Variants in ADAM23 observed in about 807,000 individuals in gnomAD.
The protein encoded by ADAM23 is ADAM metallopeptidase domain 23, also known as disintegrin and metalloproteinase domain-containing protein 23.
A neutral mutation model predicts 120.1 loss-of-function variants in ADAM23; 33 were observed. That is an observed-to-expected ratio of 0.27 (90% CI 0.21 to 0.37). The LOEUF (loss-of-function observed/expected upper bound fraction) is 0.37, where lower values mean the gene tolerates loss of function less well. Ranked by LOEUF, ADAM23 falls within the 10% of genes least tolerant of loss-of-function variation. ADAM23 has a pLI of 1.00. For missense variants in ADAM23, 862 were observed against 1,058.2 expected (o/e 0.81, Z 2.57); for synonymous variants, 367 against 375.2 (o/e 0.98, Z 0.25).
Position 206,571,798 on chromosome 2 carries a change from T to C in ADAM23, c.1638T>C (p.Cys546=). 2 of 1,614,006 alleles carry C rather than the reference T, an allele frequency of 1.2e-6. No homozygotes were observed. The highest frequency in any genetic ancestry group is 1.3e-5 in the African/African-American group (1 of 75,052). The change falls in exon 17 of 26, where the codon TGT becomes TGC. Residue 546 remains cysteine, a synonymous_variant. Transcript: ENST00000264377. ...CTCACTGCAGCGACGGGCCCTGCTGTAACAATACCTCATGTCTTGTGAGTT... is the reference window on the plus strand; with the variant it reads ...CTCACTGCAGCGACGGGCCCTGCTGCAACAATACCTCATGTCTTGTGAGTT... ...NGAHCSDGPC[C]NNTSCLFQPR...
intron 18 of ADAM23, among the ~76,000 whole-genome samples, chr2:206,578,615 CT>C (rs1698164399): frequency 6.6e-6 from 1 of 152,084 alleles, no homozygotes; most frequent in Non-Finnish European, 1.5e-5. Flanking sequence ...TCTTTATCCA[CT>C]CATTGATTGA....
At chr2:206,536,162 C>T (rs1274471512) in intron 4 of ADAM23, among the ~76,000 whole-genome samples, 1 of 152,096 alleles carries the variant, frequency 6.6e-6, no homozygotes, top group Non-Finnish European at 1.5e-5. Context: ...TAGGTCTACC[C>T]ATATTTGGCA....
At chr2:206,559,811 A>G in intron 10 of ADAM23, 144 bp from the exon 11 acceptor site, 1 of 669,508 alleles carries the variant, frequency 1.5e-6, no homozygotes, top group East Asian at 2.8e-5. Flanking sequence ...AAAGAAAGGA[A>G]AAGAAGATTC....
chr2:206,519,426 A>G lies in ADAM23; in HGVS notation c.510-11459A>G, dbSNP rs540025996. Among the ~76,000 whole-genome samples, 24 of 152,306 alleles carry G rather than the reference A, an allele frequency of 1.6e-4. 1 individual carries two copies. In the South Asian group the frequency reaches 4.6e-3, roughly 29 times the overall value. ...TGATTTAGGTAAGCAAAGCACAATCATGACTTTTTTTTAAACAATCGAAGT... is the reference window on the plus strand; with the variant it reads ...TGATTTAGGTAAGCAAAGCACAATCGTGACTTTTTTTTAAACAATCGAAGT... On this transcript the variant is annotated intron_variant, in intron 3 of 25. Transcript: ENST00000264377.
At chr2:206,604,111 C>A (rs906102486) in intron 24 of ADAM23, among the ~76,000 whole-genome samples, 3 of 151,762 alleles carry the variant, frequency 2.0e-5, no homozygotes, top group African/African-American at 7.3e-5. Flanking sequence ...ACTAAAAATA[C>A]AAAAATTAGC....
At chr2:206,513,364 T>C (rs1386626544) in intron 3 of ADAM23, among the ~76,000 whole-genome samples, 3 of 140,484 alleles carry the variant, frequency 2.1e-5, no homozygotes, top group Non-Finnish European at 4.9e-5. Context: ...GTTGCTGATA[T>C]GGAGAAAGTT....
intron 3 of ADAM23, among the ~76,000 whole-genome samples, chr2:206,495,682 T>C (rs1441611576): frequency 2.0e-5 from 3 of 152,084 alleles, no homozygotes; most frequent in Non-Finnish European, 2.9e-5. Context: ...GGCTAAATGC[T>C]CCAATTAAAA....
intron 25 of ADAM23, among the ~76,000 whole-genome samples, chr2:206,611,415 G>A (rs1157486016): frequency 2.6e-5 from 4 of 151,134 alleles, no homozygotes; most frequent in African/African-American, 7.3e-5. Context: ...TCGTTTGGGC[G>A]GACCTAATTC....
chr2:206,537,771 C>T (rs1480722271), intron 4 of ADAM23, among the ~76,000 whole-genome samples: 2 of 152,074 alleles, frequency 1.3e-5, no homozygotes, highest in Non-Finnish European at 2.9e-5. Context: ...TGCGTGTACA[C>T]TAGAATTTTT....
intron 24 of ADAM23, among the ~76,000 whole-genome samples, chr2:206,597,021 C>A (rs766763042): frequency 4.1e-4 from 62 of 150,218 alleles, no homozygotes; most frequent in South Asian, 4.2e-4. Flanking sequence ...ATCCTGCCAC[C>A]ATGCCTGGCT....
intron 18 of ADAM23, among the ~76,000 whole-genome samples, chr2:206,573,952 C>T (rs1698061030): frequency 6.6e-6 from 1 of 151,958 alleles, no homozygotes; most frequent in South Asian, 2.1e-4. Flanking sequence ...AGAGTTTTTG[C>T]TTAGAAGTCT....
At chr2:206,479,670 G>GTTTCTCTCTCTCTCTCTC (rs1278115675) in intron 2 of ADAM23, among the ~76,000 whole-genome samples, 3 of 151,946 alleles carry the variant, frequency 2.0e-5, no homozygotes, top group Non-Finnish European at 4.4e-5. Flanking sequence ...CTTGACAGAA[G>GTTTCTCTCTCTCTCTCTC]TTTCTCTCTC....
chr2:206,560,183 G>A (rs1697735578), intron 11 of ADAM23, 65 bp downstream of exon 11: 3 of 1,487,396 alleles, frequency 2.0e-6, no homozygotes, highest in Non-Finnish European at 2.7e-6. Context: ...CCCTTTTTTG[G>A]TTCAGTTAAG....
Position 206,617,672 on chromosome 2 carries a change from G to C in ADAM23, c.*45G>C. 6.2e-7 allele frequency: 1 copy of C among 1,610,452 alleles called. No individual in the cohort carries two copies. The highest frequency in any genetic ancestry group is 8.5e-7 in the Non-Finnish European group (1 of 1,178,414). On this transcript the variant is annotated 3_prime_UTR_variant, in exon 26 of 26. Coordinates refer to ENST00000264377, the MANE Select transcript of ADAM23 (RefSeq NM_003812.4). Reference sequence around the variant, plus strand: ...CACCGCCTTGCACTGTTGGATTCTGGGTATGACATACTCGCAGCAGTGTTA... The same window carrying C: ...CACCGCCTTGCACTGTTGGATTCTGCGTATGACATACTCGCAGCAGTGTTA...
chr2:206,468,791 A>G (rs1482280694), intron 2 of ADAM23, among the ~76,000 whole-genome samples: 1 of 152,198 alleles, frequency 6.6e-6, no homozygotes, highest in Non-Finnish European at 1.5e-5. Context: ...GAGACTGTTA[A>G]TTGATAAAGA....
intron 9 of ADAM23, among the ~76,000 whole-genome samples, chr2:206,554,072 T>C (rs976442842): frequency 2.0e-5 from 3 of 152,220 alleles, no homozygotes; most frequent in Non-Finnish European, 4.4e-5. Flanking sequence ...TATTTTTCTT[T>C]ATATGCAAAA....
chr2:206,613,324 G>T (rs1028721506), intron 25 of ADAM23, among the ~76,000 whole-genome samples: 68 of 152,308 alleles, frequency 4.5e-4, no homozygotes, highest in African/African-American at 1.6e-3. Context: ...CTCCCAAAGT[G>T]TTGGGATTAC....
At chr2:206,517,974 T>C (rs1400983676) in intron 3 of ADAM23, among the ~76,000 whole-genome samples, 1 of 152,232 alleles carries the variant, frequency 6.6e-6, no homozygotes, top group Non-Finnish European at 1.5e-5. Flanking sequence ...TTTGGCTGCT[T>C]CTGGAATCTT....
intron 10 of ADAM23, 137 bp from the exon 11 acceptor site, chr2:206,559,818 A>G: frequency 1.5e-6 from 1 of 669,484 alleles, no homozygotes; most frequent in Non-Finnish European, 2.4e-6. Context: ...GGAAAAGAAG[A>G]TTCTCTATAA....
Sources: allele counts gnomAD v4.1 joint callset (sites outside exome capture counted in the v4.1 genomes callset), GRCh38; gene constraint gnomAD v4.1.1; transcripts MANE v1.5; gene names NCBI Gene and HGNC (gene_info 2026-07-23, HGNC 2026-07-21).